Variants in GNAS-AS1 observed in about 807,000 individuals in gnomAD.
GNAS-AS1 encodes GNAS antisense RNA 1 (non-protein coding).
intron 4 of GNAS-AS1, among the ~76,000 whole-genome samples, chr20:58,819,460 T>C (rs1015304927): frequency 6.6e-6 from 1 of 152,202 alleles, no homozygotes; most frequent in Non-Finnish European, 1.5e-5. Context: ...TTGTTTATTG[T>C]TGATTTAAGA....
intron 4 of GNAS-AS1, among the ~76,000 whole-genome samples, chr20:58,821,214 C>T (rs1390590716): frequency 3.3e-5 from 5 of 152,206 alleles, no homozygotes; most frequent in Non-Finnish European, 7.3e-5. Flanking sequence ...TGGTTTCCTG[C>T]TTCCCTACAG....
At chr20:58,845,284 A>G (rs2085902903) in intron 2 of GNAS-AS1, among the ~76,000 whole-genome samples, 1 of 152,242 alleles carries the variant, frequency 6.6e-6, no homozygotes, top group Non-Finnish European at 1.5e-5. Flanking sequence ...TATAGAAGCT[A>G]CAGCTATTTG....
chr20:58,831,710 T>C (rs1175796416), intron 4 of GNAS-AS1, among the ~76,000 whole-genome samples: 1 of 152,232 alleles, frequency 6.6e-6, no homozygotes, highest in Non-Finnish European at 1.5e-5. Context: ...TATTCATTCA[T>C]TCATTCATTC....
intron 4 of GNAS-AS1, among the ~76,000 whole-genome samples, chr20:58,820,741 G>A (rs1036281634): frequency 3.3e-5 from 5 of 152,280 alleles, no homozygotes; most frequent in Non-Finnish European, 5.9e-5. Context: ...CAGGCAAAGA[G>A]AGAGAGCGCT....
At chr20:58,850,388 T>C (rs548248646) in intron 1 of GNAS-AS1, 2 of 396,482 alleles carry the variant, frequency 5.0e-6, no homozygotes, top group Non-Finnish European at 8.9e-6. Flanking sequence ...CACAGACCCA[T>C]GAGGGTGTCG....
chr20:58,828,084 T>G (rs1355111855), intron 4 of GNAS-AS1, among the ~76,000 whole-genome samples: 3 of 152,244 alleles, frequency 2.0e-5, no homozygotes, highest in Non-Finnish European at 2.9e-5. Flanking sequence ...GGGCCAATTT[T>G]AAGTAATAAC....
intron 4 of GNAS-AS1, among the ~76,000 whole-genome samples, chr20:58,822,992 G>A (rs753293969): frequency 2.0e-4 from 31 of 151,942 alleles, no homozygotes; most frequent in Non-Finnish European, 3.5e-4. Flanking sequence ...TTGCCTGCCC[G>A]CCACCCCTGG....
At chr20:58,822,469 A>G (rs1394691563) in intron 4 of GNAS-AS1, among the ~76,000 whole-genome samples, 1 of 152,190 alleles carries the variant, frequency 6.6e-6, no homozygotes, top group Non-Finnish European at 1.5e-5. Context: ...GCTCCACTAG[A>G]CCAGGAGAAG....
chr20:58,846,104 G>T (rs912964475), intron 2 of GNAS-AS1, among the ~76,000 whole-genome samples: 1 of 152,110 alleles, frequency 6.6e-6, no homozygotes, highest in Admixed American at 6.5e-5. Context: ...GAATTTGAGG[G>T]ATCACAGAAA....
intron 4 of GNAS-AS1, among the ~76,000 whole-genome samples, chr20:58,821,782 G>A (rs1329742459): frequency 3.3e-5 from 5 of 152,178 alleles, no homozygotes; most frequent in African/African-American, 9.7e-5. Context: ...AGGCCTGGAT[G>A]AGCAAGAGAG....
chr20:58,841,448 C>T lies in GNAS-AS1; in HGVS notation n.819+489G>A. On this transcript the variant is annotated intron_variant and non_coding_transcript_variant, in intron 4 of 4. Coordinates refer to ENST00000424094, the Ensembl canonical transcript of GNAS-AS1. The surrounding 1 kb of genome is among the most constrained non-coding windows in gnomAD (Gnocchi z 5.0). ...ACCCGGGAGGGAAGTCACGCGCGCG[C>T]GGCGCCTAAGCAGCTCAGAGCCGGA... is the stretch of plus-strand genomic sequence containing the variant. 1.0e-6 allele frequency: 1 copy of T among 993,600 alleles called. No individual in the cohort carries two copies. The highest frequency in any genetic ancestry group is 1.2e-6 in the Non-Finnish European group (1 of 834,984). The allele number at this position is 993,600 out of a possible 1,614,324, so 61.5% of individuals were successfully genotyped here. A position where few individuals can be genotyped will look rare whatever the true frequency, so the allele number is the denominator to read the frequency against.
intron 4 of GNAS-AS1, among the ~76,000 whole-genome samples, chr20:58,833,283 C>T (rs547533940): frequency 5.3e-5 from 8 of 152,280 alleles, no homozygotes; most frequent in Admixed American, 1.3e-4. Context: ...AGAGAAGTGA[C>T]GGCTGCTTCC....
At chr20:58,835,352 T>C (rs1394593362) in intron 4 of GNAS-AS1, among the ~76,000 whole-genome samples, 1 of 152,156 alleles carries the variant, frequency 6.6e-6, no homozygotes, top group African/African-American at 2.4e-5. Flanking sequence ...TTGAGGTCTG[T>C]GGGACCTCTG....
chr20:58,850,439 G>C (rs1047632511), intron 1 of GNAS-AS1: 3 of 397,556 alleles, frequency 7.5e-6, no homozygotes, highest in Admixed American at 4.4e-5. Flanking sequence ...ATGGTACTTT[G>C]GGGGTGAGCG....
chr20:58,837,775 G>C (rs1273506133), intron 4 of GNAS-AS1, among the ~76,000 whole-genome samples: 3 of 152,212 alleles, frequency 2.0e-5, no homozygotes, highest in African/African-American at 7.2e-5. Flanking sequence ...AACTAACACA[G>C]AGTGCAAGAT....
At chr20:58,839,099 A>G in intron 4 of GNAS-AS1, 1 of 398,484 alleles carries the variant, frequency 2.5e-6, no homozygotes, top group Non-Finnish European at 4.4e-6. Context: ...CCACCTTCTC[A>G]GCTCAATCGA....
intron 4 of GNAS-AS1, among the ~76,000 whole-genome samples, chr20:58,824,583 T>G (rs1237296514): frequency 1.3e-5 from 2 of 152,174 alleles, no homozygotes; most frequent in Non-Finnish European, 2.9e-5. Flanking sequence ...CTTTTAAAAT[T>G]TAGTATTTAA....
intron 4 of GNAS-AS1, among the ~76,000 whole-genome samples, chr20:58,834,829 C>T (rs1319087453): frequency 6.6e-6 from 1 of 152,178 alleles, no homozygotes; most frequent in Admixed American, 6.5e-5. Context: ...CCTTTAAAAA[C>T]GAATGGCACA....
intron 2 of GNAS-AS1, among the ~76,000 whole-genome samples, chr20:58,844,679 C>A (rs2085875267): frequency 1.5e-5 from 1 of 66,234 alleles, no homozygotes. Context: ...TGACTCTACA[C>A]TAGTGATTTA....
Sources: allele counts gnomAD v4.1 joint callset (sites outside exome capture counted in the v4.1 genomes callset), GRCh38; gene constraint gnomAD v4.1.1; non-coding constraint Gnocchi (gnomAD v3.1); transcripts MANE v1.5; gene names NCBI Gene and HGNC (gene_info 2026-07-23, HGNC 2026-07-21).